The following DLL1 variants were observed in gnomAD, a reference collection of about 807,000 sequenced individuals.
DLL1 encodes delta-like protein 1.
A neutral mutation model predicts 75.1 loss-of-function variants in DLL1; 9 were observed. The ratio of observed to expected loss-of-function variants is 0.12; its 90% CI spans 0.07 to 0.21. The LOEUF (loss-of-function observed/expected upper bound fraction) is 0.21. DLL1 is among the 10% of genes least tolerant of loss of function. The pLI is 1.00. For synonymous variants in DLL1, 477 were observed against 418.3 expected, an observed-to-expected ratio of 1.14 and a Z score of -1.71; for missense variants, 837 against 1,007.6, an observed-to-expected ratio of 0.83 and a Z score of 2.29.
rs1783745779 is a variant in DLL1, at chr6:170,288,091, T to C, written c.670+148A>G. On this transcript the variant is annotated intron_variant, in intron 4 of 10. Transcript: ENST00000366756. ...CCCCCCACTGACGAGCTGTGACTTA[T>C]AGCAATCCACTTCTGTCCTCTGGGC... is the stretch of plus-strand genomic sequence containing the variant. 11 of 1,217,562 alleles carry C rather than the reference T, an allele frequency of 9.0e-6. No homozygotes were observed. The South Asian group carries it at 9.2e-5, about 10-fold the overall frequency. The allele number at this position is 1,217,562 out of a possible 1,614,324, so 75.4% of individuals were successfully genotyped here.
intron 1 of DLL1, 138 bp from the exon 2 acceptor site, chr6:170,289,946 C>T: frequency 1.5e-6 from 2 of 1,316,738 alleles, no homozygotes; most frequent in South Asian, 1.7e-5. Flanking sequence ...GCGCTGGGGT[C>T]GTCGCCCCCG....
chr6:170,284,986 G>A lies in DLL1; in HGVS notation c.1182C>T (p.Pro394=), dbSNP rs199859792. 2.3e-5 allele frequency: 37 copies of A among 1,614,144 alleles called. 1 individual carries two copies. Among genetic ancestry groups the A allele is most frequent in the East Asian group, 6.7e-5 (3 of 44,864 alleles). The part of the protein sequence containing the change: ...SPDGGYSCRC[P]VGYSGFNCEK... ...CACAGTTGAAGCCGGAGTAGCCCAC[G>A]GGGCAGCGGCAGCTGTACCCTCCAT... Residue 394 remains proline, a synonymous_variant, in exon 8 of 11, where the codon CCC becomes CCT. Transcript: ENST00000366756.
intron 4 of DLL1, among the ~76,000 whole-genome samples, chr6:170,287,969 C>T (rs920208087): frequency 6.6e-6 from 1 of 152,160 alleles, no homozygotes; most frequent in Non-Finnish European, 1.5e-5. Context: ...TTCCTGACCC[C>T]TGGCCCTGTC....
intron 2 of DLL1, 123 bp downstream of exon 2, chr6:170,289,389 G>T: frequency 7.1e-7 from 1 of 1,406,636 alleles, no homozygotes; most frequent in Non-Finnish European, 9.6e-7. Flanking sequence ...AGATCGCAGC[G>T]CCCACCTGCG....
chr6:170,286,876 A>G (rs767407933), intron 4 of DLL1, among the ~76,000 whole-genome samples: 1 of 152,004 alleles, frequency 6.6e-6, no homozygotes, highest in Admixed American at 6.5e-5. Flanking sequence ...CCCTGCGCCT[A>G]TCCCCGGAGA....
intron 2 of DLL1, 112 bp from the exon 3 acceptor site, chr6:170,288,901 G>A (rs1783770504): frequency 8.4e-7 from 1 of 1,193,090 alleles, no homozygotes; most frequent in Non-Finnish European, 1.2e-6. Flanking sequence ...GAAGGCTGCA[G>A]GTCTGGGGCA....
At chr6:170,288,670 G>A (rs956877142) in intron 3 of DLL1, 59 bp downstream of exon 3, 44 of 1,610,838 alleles carry the variant, frequency 2.7e-5, no homozygotes, top group Non-Finnish European at 3.3e-5. Context: ...GGATGGGTGG[G>A]CAAAGTCCAA....
chr6:170,283,528 C>G lies in DLL1; in HGVS notation c.1751G>C (p.Arg584Pro), dbSNP rs769719471. The G allele has an allele frequency of 9.9e-6, 16 of 1,613,396 alleles. No individual in the cohort carries two copies. The highest frequency in any genetic ancestry group is 2.2e-5 in the East Asian group (1 of 44,894). Residue 584 changes from arginine (R) to proline (P), a missense_variant, in exon 9 of 11, where the codon CGG (arginine) becomes CCG (proline). By Grantham distance (103) the Arg-to-Pro change is moderately radical. This residue lies in a region of DLL1 where 533 missense variants were observed against 545.7 expected (regional missense o/e 0.98). Coordinates refer to ENST00000366756, the MANE Select transcript of DLL1 (RefSeq NM_005618.4). Reference sequence around the variant, plus strand: ...GTTGTTCATGGTCTCCGTCTCCCCCCGGCAGGGGTCGGCTGGGGGCCGGTG... The same window carrying G: ...GTTGTTCATGGTCTCCGTCTCCCCCGGGCAGGGGTCGGCTGGGGGCCGGTG... ...QKHRPPADPC[R>P]GETETMNNLA...
chr6:170,284,923 A>C lies in DLL1; in HGVS notation c.1245T>G (p.Ser415=). ...AATCACCAGCTGCCCCCTTACCATT[A>C]GAACAGGGTGAAGAGCTGCAGTAGT... is the stretch of plus-strand genomic sequence containing the variant. ...KIDYCSSSPC[S]NGAKCVDLGD... Residue 415 remains serine (S), a synonymous_variant, in exon 8 of 11, where the codon TCT becomes TCG. Transcript: ENST00000366756. The C allele has an allele frequency of 6.2e-7, 1 of 1,613,842 alleles. No individual in the cohort carries two copies. The highest frequency in any genetic ancestry group is 8.5e-7 in the Non-Finnish European group (1 of 1,180,024).
chr6:170,283,788 G>A lies in DLL1; in HGVS notation c.1491C>T (p.His497=), dbSNP rs777888615. 2.4e-5 allele frequency: 39 copies of A among 1,595,220 alleles called. No homozygotes were observed. Among genetic ancestry groups the A allele is most frequent in the Middle Eastern group, 1.7e-4 (1 of 6,058 alleles). Residue 497 remains histidine (H), a synonymous_variant, in exon 9 of 11, where the codon CAC becomes CAT. Coordinates refer to ENST00000366756, the MANE Select transcript of DLL1 (RefSeq NM_005618.4). The part of the protein sequence containing the change: ...HAPCHNGATC[H]ERGHRYVCEC... ...CGCACACATAGCGGTGGCCCCTCTC[G>A]TGGCAGGTGGCCCCATTGTGGCAGG...
chr6:170,284,057 T>G, intron 8 of DLL1, 28 bp from the exon 9 acceptor site: 1 of 1,543,296 alleles, frequency 6.5e-7, no homozygotes, highest in Admixed American at 1.9e-5. Context: ...GAACATCACG[T>G]GTCTCCTCGT....
In DLL1 at chr6:170,283,775, G is replaced by A. The variant is rs2747761; in HGVS notation, c.1504C>T (p.Arg502Cys). The change falls in exon 9 of 11, where the codon CGC (arginine) becomes TGC (cysteine). Residue 502 changes from arginine (R) to cysteine (C), a missense_variant. This residue lies in a region of DLL1 where 533 missense variants were observed against 545.7 expected (regional missense o/e 0.98). Transcript: ENST00000366756. ...CCTCGGGCACACTCGCACACATAGC[G>A]GTGGCCCCTCTCGTGGCAGGTGGCC... Reference protein sequence around the residue: ...NGATCHERGHRYVCECARGYG... With the variant: ...NGATCHERGHCYVCECARGYG... 2.0e-5 allele frequency: 32 copies of A among 1,592,110 alleles called. No individual in the cohort carries two copies. Among genetic ancestry groups the A allele is most frequent in the Admixed American group, 5.2e-5 (3 of 57,712 alleles).
At position 170,289,712 on chromosome 6, in the gene DLL1, GC is replaced by G; in HGVS notation, c.150del (p.Pro51HisfsTer72). On this transcript the variant is annotated frameshift_variant, in exon 2 of 11. Coordinates refer to ENST00000366756, the MANE Select transcript of DLL1 (RefSeq NM_005618.4). LOFTEE classifies it high-confidence loss of function. Reference sequence around the variant, plus strand: ...AAGGTCCGGCAGGCGCACGGCGGTGGCCCCGCGCCCCCGCGGCAGCAGTTGC... The same window carrying G: ...AAGGTCCGGCAGGCGCACGGCGGTGGCCCGCGCCCCCGCGGCAGCAGTTGC... ...GNRNCCRGGAGPPPCACRTFF... is the reference protein window; with the variant it reads ...GNRNCCRGGAXPPPCACRTFF... 1 of 1,548,850 alleles carries G rather than the reference GC, an allele frequency of 6.5e-7. No individual in the cohort carries two copies. The highest frequency in any genetic ancestry group is 8.7e-7 in the Non-Finnish European group (1 of 1,146,660).
chr6:170,287,869 C>T (rs891501575), intron 4 of DLL1, among the ~76,000 whole-genome samples: 4 of 152,164 alleles, frequency 2.6e-5, no homozygotes, highest in Non-Finnish European at 4.4e-5. Flanking sequence ...TGAAATGGTG[C>T]CCCTGACACA....
At position 170,283,443 on chromosome 6, in the gene DLL1, G is replaced by A; in HGVS notation, c.1836C>T (p.Ile612=). ...AGTCCGCCTTCTTGTTGGTGTTCTT[G>A]ATCTGCGTGGCCCCGATGATGCTGA... The part of the protein sequence containing the change: ...ISVSIIGATQ[I]KNTNKKADFH... The change falls in exon 9 of 11, where the codon ATC becomes ATT. Residue 612 remains isoleucine (I), a synonymous_variant. Coordinates refer to ENST00000366756, the MANE Select transcript of DLL1 (RefSeq NM_005618.4). The A allele has an allele frequency of 6.2e-7, 1 of 1,612,124 alleles. No homozygotes were observed. The highest frequency in any genetic ancestry group is 1.1e-5 in the South Asian group (1 of 91,088).
intron 4 of DLL1, among the ~76,000 whole-genome samples, chr6:170,287,475 G>C (rs775213870): frequency 6.6e-6 from 1 of 152,212 alleles, no homozygotes; most frequent in Non-Finnish European, 1.5e-5. Flanking sequence ...GAGGGCTCCT[G>C]AGGTCCCCAT....
chr6:170,284,142 G>A, intron 8 of DLL1, 113 bp from the exon 9 acceptor site: 2 of 1,400,816 alleles, frequency 1.4e-6, no homozygotes, highest in Non-Finnish European at 1.9e-6. Context: ...ACCAAAGACA[G>A]TCTGTGGCCT....
At chr6:170,287,501 G>C (rs575105030) in intron 4 of DLL1, among the ~76,000 whole-genome samples, 1 of 152,242 alleles carries the variant, frequency 6.6e-6, no homozygotes, top group Non-Finnish European at 1.5e-5. Context: ...AGAACCAGGA[G>C]CCAGCACGGC....
At chr6:170,288,940 T>A (rs1439826097) in intron 2 of DLL1, 151 bp from the exon 3 acceptor site, 2 of 819,436 alleles carry the variant, frequency 2.4e-6, no homozygotes, top group Non-Finnish European at 4.2e-6. Flanking sequence ...TCCACGCACC[T>A]CCTGCCTGCT....
Sources: gnomAD v4.1 joint callset for allele counts (sites outside exome capture counted in the v4.1 genomes callset) on GRCh38, gnomAD v4.1.1 for gene constraint, gnomAD v4.1.1 regional missense constraint, MANE v1.5 for transcripts, NCBI Gene and HGNC (gene_info 2026-07-23, HGNC 2026-07-21) for gene names.